The following MET variants were observed in gnomAD, a reference collection of about 807,000 sequenced individuals.
MET encodes hepatocyte growth factor receptor.
Under a neutral mutation model 133.1 loss-of-function variants are expected in MET, and 48 were observed. The observed-to-expected ratio is 0.36, with a 90% CI of 0.29 to 0.46. The LOEUF (loss-of-function observed/expected upper bound fraction) is 0.46. MET is among the 20% of genes least tolerant of loss of function. MET has a pLI of 1.00. For missense variants in MET, 1,442 were observed against 1,695.9 expected, an observed-to-expected ratio of 0.85 and a Z score of 2.63; for synonymous variants, 628 against 616.5, an observed-to-expected ratio of 1.02 and a Z score of -0.28.
In MET at chr7:116,755,004, G is replaced by GA. The variant is rs1465972466; in HGVS notation, c.1702-348dup. Among the ~76,000 whole-genome samples, 3 of 147,786 alleles carry GA rather than the reference G, an allele frequency of 2.0e-5. No individual in the cohort carries two copies. The South Asian group carries it at 6.4e-4, about 32-fold the overall frequency. On this transcript the variant is annotated intron_variant, in intron 5 of 20. Transcript: ENST00000397752. ...GAAAGGAAAGAAAGAAAGAAAGAAA[G>GA]AAAGAAAGAAAGAAAGAAAGAAAGA...
Position 116,784,908 on chromosome 7 carries a change from C to A in MET, c.3798+1439C>A, listed in dbSNP as rs1167049299. Among the ~76,000 whole-genome samples, 33 of 152,098 alleles carry A rather than the reference C, an allele frequency of 2.2e-4. 1 individual carries two copies. The highest frequency in any genetic ancestry group is 2.2e-3 in the Admixed American group (33 of 15,278). ...CCTATGAGCCTGTAAAATAAAAAAA[C>A]AAGTTAGTTGCTTACAAGATACAAC... is the stretch of plus-strand genomic sequence containing the variant. On this transcript the variant is annotated intron_variant, in intron 19 of 20. Transcript: ENST00000397752.
chr7:116,700,368 T>C lies in MET; in HGVS notation c.1200+84T>C, dbSNP rs1791531919. On this transcript the variant is annotated intron_variant, in intron 2 of 20. Coordinates refer to ENST00000397752, the MANE Select transcript of MET (RefSeq NM_000245.4). ...AGTCTCAAAAAGAATATCCAGGGCT[T>C]CTTTTGTGCTTTGTAAATGGTGTTT... The C allele has an allele frequency of 3.5e-5, 51 of 1,456,048 alleles. No homozygotes were observed. In the South Asian group the frequency reaches 7.2e-4, roughly 21 times the overall value. 90.2% of individuals were successfully genotyped at this position (1,456,048 alleles called of 1,614,324 possible).
Position 116,700,200 on chromosome 7 carries a change from C to T in MET, c.1116C>T (p.Asp372=), listed in dbSNP as rs760727137. The change falls in exon 2 of 21, where the codon GAC becomes GAT. Residue 372 remains aspartate (D), a synonymous_variant. Transcript: ENST00000397752. ...MCAFPIKYVN[D]FFNKIVNKNN... The stretch of plus-strand genomic sequence containing the variant: ...CATTCCCTATCAAATATGTCAACGA[C>T]TTCTTCAACAAGATCGTCAACAAAA... 6.3e-7 allele frequency: 1 copy of T among 1,593,260 alleles called. No homozygotes were observed. The highest frequency in any genetic ancestry group is 2.2e-5 in the East Asian group (1 of 44,790).
intron 2 of MET, among the ~76,000 whole-genome samples, chr7:116,706,242 C>T (rs944899941): frequency 3.3e-5 from 5 of 152,052 alleles, no homozygotes; most frequent in Admixed American, 3.3e-4. Flanking sequence ...ATTAATTTGA[C>T]ATTATTCTTA....
At chr7:116,702,628 A>G (rs1304603842) in intron 2 of MET, among the ~76,000 whole-genome samples, 1 of 152,172 alleles carries the variant, frequency 6.6e-6, no homozygotes, top group African/African-American at 2.4e-5. Flanking sequence ...AATTTCTTGG[A>G]ACTGAGTTTT....
At position 116,758,606 on chromosome 7, in the gene MET, C is replaced by A. The variant is rs1794279787; in HGVS notation, c.2250C>A (p.Thr750=). The A allele has an allele frequency of 6.2e-7, 1 of 1,613,436 alleles. No homozygotes were observed. Among genetic ancestry groups the A allele is most frequent in the South Asian group, 1.1e-5 (1 of 91,054 alleles). ...CCATTGTCTATGAAATTCATCCAACCAAATCTTTTATTAGGTAAGTAGAAG... is the reference window on the plus strand; with the variant it reads ...CCATTGTCTATGAAATTCATCCAACAAAATCTTTTATTAGGTAAGTAGAAG... ...EDPIVYEIHP[T]KSFISGGSTI... is the part of the protein sequence containing the mutation. Residue 750 remains threonine (T), a synonymous_variant, in exon 9 of 21, where the codon ACC becomes ACA. Coordinates refer to ENST00000397752, the MANE Select transcript of MET (RefSeq NM_000245.4).
chr7:116,695,907 C>A, intron 1 of MET: 1 of 274,162 alleles, frequency 3.6e-6, no homozygotes, highest in Admixed American at 3.9e-5. Flanking sequence ...CTTGGCTTAT[C>A]CCTTCATAAC....
Position 116,798,329 on chromosome 7 carries a change from T to C in MET, c.*2205T>C, listed in dbSNP as rs753944287. On this transcript the variant is annotated 3_prime_UTR_variant, in exon 21 of 21. Transcript: ENST00000397752. ...CAGCTGAACTGAATGGTACTTCGTATGTTAATAGTTGTTCTGATAAATCAT... is the reference window on the plus strand; with the variant it reads ...CAGCTGAACTGAATGGTACTTCGTACGTTAATAGTTGTTCTGATAAATCAT... The C allele has an allele frequency of 5.1e-6, 1 of 194,608 alleles. No individual in the cohort carries two copies. The highest frequency in any genetic ancestry group is 8.1e-5 in the East Asian group (1 of 12,270). 12.1% of individuals were successfully genotyped at this position (194,608 alleles called of 1,614,324 possible).
At chr7:116,682,851 C>T (rs547580627) in intron 1 of MET, among the ~76,000 whole-genome samples, 10 of 152,294 alleles carry the variant, frequency 6.6e-5, no homozygotes, top group Non-Finnish European at 1.2e-4. Context: ...TTGGGCTCTC[C>T]TTATTCTCAG....
At chr7:116,690,816 G>T (rs957417995) in intron 1 of MET, among the ~76,000 whole-genome samples, 17 of 152,280 alleles carry the variant, frequency 1.1e-4, no homozygotes, top group African/African-American at 3.9e-4. Flanking sequence ...TTAGTATCTA[G>T]TCAAGTACGT....
At chr7:116,760,105 A>G (rs534859339) in intron 10 of MET, among the ~76,000 whole-genome samples, 5 of 152,310 alleles carry the variant, frequency 3.3e-5, no homozygotes, top group South Asian at 2.1e-4. Context: ...GACAGTCAGT[A>G]CAAATGGAAA....
intron 10 of MET, 113 bp from the exon 11 acceptor site, chr7:116,762,937 G>A (rs1794451834): frequency 1.1e-6 from 1 of 923,498 alleles, no homozygotes; most frequent in Non-Finnish European, 1.7e-6. Context: ...GTTAAATACA[G>A]ATTTTTTCAA....
In MET at chr7:116,685,239, G is replaced by A. The variant is rs561050635; in HGVS notation, c.-15+12662G>A. ...TTCATTCTCTACAGTCCCTCTCCTC[G>A]GAGATCCCATCCACTCTCATGGCTT... On this transcript the variant is annotated intron_variant, in intron 1 of 20. Coordinates refer to ENST00000397752, the MANE Select transcript of MET (RefSeq NM_000245.4). Among the ~76,000 whole-genome samples, 6 of 152,186 alleles carry A rather than the reference G, an allele frequency of 3.9e-5. No homozygotes were observed. The South Asian group carries it at 1.0e-3, about 26-fold the overall frequency.
chr7:116,728,448 T>C (rs1203760423), intron 2 of MET, among the ~76,000 whole-genome samples: 1 of 152,226 alleles, frequency 6.6e-6, no homozygotes, highest in Non-Finnish European at 1.5e-5. Flanking sequence ...GTTCTACATT[T>C]ACGCCTTACA....
chr7:116,702,706 T>G (rs961373985), intron 2 of MET, among the ~76,000 whole-genome samples: 7 of 152,146 alleles, frequency 4.6e-5, no homozygotes, highest in Non-Finnish European at 1.0e-4. Context: ...CTCTAATACA[T>G]TTATAAAGGG....
rs1249371062 is a variant in MET, at chr7:116,699,410, G to A, written c.326G>A (p.Gly109Glu). ...QDCSSKANLS[G>E]GVWKDNINMA... is the part of the protein sequence containing the mutation. ...TGCAGCAGCAAAGCCAATTTATCAGGAGGTGTTTGGAAAGATAACATCAAC... is the reference window on the plus strand; with the variant it reads ...TGCAGCAGCAAAGCCAATTTATCAGAAGGTGTTTGGAAAGATAACATCAAC... Residue 109 changes from glycine to glutamate, a missense_variant, in exon 2 of 21, where the codon GGA becomes GAA. Gly to Glu is a moderately conservative substitution (Grantham distance 98). This residue lies in a region of MET where 762 missense variants were observed against 792.4 expected (regional missense o/e 0.96). Coordinates refer to ENST00000397752, the MANE Select transcript of MET (RefSeq NM_000245.4). The A allele has an allele frequency of 6.2e-7, 1 of 1,614,058 alleles. No individual in the cohort carries two copies. The highest frequency in any genetic ancestry group is 2.2e-5 in the East Asian group (1 of 44,886).
rs1796004301 is a variant in MET, at chr7:116,672,401, G to C, written c.-191G>C. 2 of 384,206 alleles carry C rather than the reference G, an allele frequency of 5.2e-6. No individual in the cohort carries two copies. Among genetic ancestry groups the C allele is most frequent in the East Asian group, 7.4e-5 (2 of 26,896 alleles). The allele number at this position is 384,206 out of a possible 1,614,324, so 23.8% of individuals were successfully genotyped here. A position where few individuals can be genotyped will look rare whatever the true frequency, so the allele number is the denominator to read the frequency against. On this transcript the variant is annotated 5_prime_UTR_variant, in exon 1 of 21. Coordinates refer to ENST00000397752, the MANE Select transcript of MET (RefSeq NM_000245.4). ...GGCTCAGCCCGGCCGCAGGTGACCC[G>C]GAGGCCCTCGCCGCCCGCGGCGCCC...
At chr7:116,751,207 T>C (rs2116885822) in intron 5 of MET, among the ~76,000 whole-genome samples, 1 of 152,040 alleles carries the variant, frequency 6.6e-6, no homozygotes, top group South Asian at 2.1e-4. Context: ...ATAAAGAAAA[T>C]GTGGCACATA....
Position 116,699,738 on chromosome 7 carries a change from G to A in MET, c.654G>A (p.Arg218=), listed in dbSNP as rs35284565. The A allele has an allele frequency of 2.6e-4, 415 of 1,614,088 alleles. 3 individuals are homozygous for A. The African/African-American group carries it at 5.1e-3, about 20-fold the overall frequency. The change falls in exon 2 of 21, where the codon AGG becomes AGA. Residue 218 remains arginine, a synonymous_variant. Transcript: ENST00000397752. ...CATTGCATTCGATATCAGTGAGAAGGCTAAAGGAAACGAAAGATGGTTTTA... is the reference window on the plus strand; with the variant it reads ...CATTGCATTCGATATCAGTGAGAAGACTAAAGGAAACGAAAGATGGTTTTA... ...DHPLHSISVR[R]LKETKDGFMF...
Sources: allele counts gnomAD v4.1 joint callset (sites outside exome capture counted in the v4.1 genomes callset), GRCh38; gene constraint gnomAD v4.1.1; regional missense constraint gnomAD v4.1.1; transcripts MANE v1.5; gene names NCBI Gene and HGNC (gene_info 2026-07-23, HGNC 2026-07-21).